The following FOCAD variants were observed in gnomAD, a reference collection of about 807,000 sequenced individuals.
FOCAD encodes the protein KIAA1797.
FOCAD carries 198 observed loss-of-function variants against 225.6 expected under a neutral mutation model. The observed-to-expected ratio is 0.88, with a 90% CI of 0.78 to 0.99. The LOEUF is 0.99. Ranked by LOEUF, FOCAD falls within the 50% of genes least tolerant of loss-of-function variation. FOCAD has a pLI of 0.00. For synonymous variants in FOCAD, 897 were observed against 755.0 expected (o/e 1.19, Z -3.08); for missense variants, 2,713 against 2,123.6 (o/e 1.28, Z -5.46).
At chr9:20,859,799 C>G (rs1258943930) in intron 15 of FOCAD, among the ~76,000 whole-genome samples, 1 of 150,350 alleles carries the variant, frequency 6.7e-6, no homozygotes, top group Admixed American at 6.6e-5. Flanking sequence ...CTGATAGAAG[C>G]TAGACACCAA....
chr9:20,908,866 G>A (rs1468571005), intron 22 of FOCAD, among the ~76,000 whole-genome samples: 1 of 151,954 alleles, frequency 6.6e-6, no homozygotes, highest in Non-Finnish European at 1.5e-5. Context: ...TATTGGGGAG[G>A]TCCCATGCTA....
At chr9:20,902,105 T>C (rs1280882482) in intron 21 of FOCAD, among the ~76,000 whole-genome samples, 1 of 151,944 alleles carries the variant, frequency 6.6e-6, no homozygotes, top group Non-Finnish European at 1.5e-5. Context: ...CCGCAGGTCC[T>C]TAATTGAACA....
chr9:20,762,247 A>G (rs1026948242), intron 6 of FOCAD, among the ~76,000 whole-genome samples: 2 of 152,202 alleles, frequency 1.3e-5, no homozygotes, highest in Non-Finnish European at 2.9e-5. Flanking sequence ...TTCACTTTGT[A>G]TTTCATACAT....
In FOCAD at chr9:20,753,725, A is replaced by C. The variant is rs143018902; in HGVS notation, c.393-4365A>C. On this transcript the variant is annotated intron_variant, in intron 5 of 43. Coordinates refer to ENST00000338382, the MANE Select transcript of FOCAD (RefSeq NM_001375567.1). ...TTTTCCACTTCTATTTTCTTCTGAG[A>C]TATGGACATGGCTACATAACAGTAA... 2.8e-3 allele frequency among the ~76,000 whole-genome samples: 422 copies of C among 152,218 alleles called. 1 individual carries two copies. The highest frequency in any genetic ancestry group is 9.8e-3 in the African/African-American group (405 of 41,530).
At chr9:20,788,239 A>G (rs936043028) in intron 10 of FOCAD, among the ~76,000 whole-genome samples, 1 of 152,224 alleles carries the variant, frequency 6.6e-6, no homozygotes, top group Non-Finnish European at 1.5e-5. Context: ...TGTGTTTCCT[A>G]TTATATGAAA....
intron 11 of FOCAD, among the ~76,000 whole-genome samples, chr9:20,800,798 C>T (rs1414720688): frequency 6.6e-6 from 1 of 152,032 alleles, no homozygotes; most frequent in Non-Finnish European, 1.5e-5. Context: ...TTCAGACTTC[C>T]TCCTTTAGCT....
intron 15 of FOCAD, among the ~76,000 whole-genome samples, chr9:20,849,701 A>G (rs1175957929): frequency 6.6e-6 from 1 of 151,964 alleles, no homozygotes; most frequent in Non-Finnish European, 1.5e-5. Context: ...TCTAAGGGAT[A>G]GGCAGCCATG....
At chr9:20,865,395 A>C (rs1001996270) in intron 16 of FOCAD, among the ~76,000 whole-genome samples, 6 of 152,104 alleles carry the variant, frequency 3.9e-5, no homozygotes, top group Admixed American at 2.6e-4. Context: ...AAGACCACCG[A>C]CTGTTGGAAG....
intron 26 of FOCAD, 147 bp from the exon 27 acceptor site, chr9:20,929,211 C>A (rs1487025558): frequency 4.9e-6 from 3 of 608,972 alleles, no homozygotes; most frequent in African/African-American, 3.7e-5. Context: ...TAGACAAAAA[C>A]GTTTGGATTT....
intron 15 of FOCAD, among the ~76,000 whole-genome samples, chr9:20,850,656 T>A (rs900646736): frequency 1.3e-5 from 2 of 151,740 alleles, no homozygotes; most frequent in Non-Finnish European, 2.9e-5. Flanking sequence ...CTACCTTCAG[T>A]TATGCTTTAA....
At chr9:20,707,127 T>C (rs771978709) in intron 1 of FOCAD, among the ~76,000 whole-genome samples, 38 of 152,202 alleles carry the variant, frequency 2.5e-4, no homozygotes, top group Non-Finnish European at 3.4e-4. Flanking sequence ...CAGATATTGG[T>C]GGATAAATAG....
intron 2 of FOCAD, among the ~76,000 whole-genome samples, chr9:20,671,884 C>T (rs956255485): frequency 6.6e-6 from 1 of 152,122 alleles, no homozygotes; most frequent in Non-Finnish European, 1.5e-5. Flanking sequence ...TAATTGTGTA[C>T]ACCTCTTTCA....
At chr9:20,977,518 C>G (rs1475847324) in intron 36 of FOCAD, among the ~76,000 whole-genome samples, 1 of 152,164 alleles carries the variant, frequency 6.6e-6, no homozygotes, top group African/African-American at 2.4e-5. Context: ...CCCACCCTAA[C>G]TCCAAAAATA....
intron 11 of FOCAD, among the ~76,000 whole-genome samples, chr9:20,815,241 C>G (rs146676789): frequency 0.023 from 3,260 of 144,758 alleles, 113 homozygotes; most frequent in African/African-American, 0.079. Flanking sequence ...TCAAGCAATT[C>G]TCATGCCTCA....
intron 21 of FOCAD, among the ~76,000 whole-genome samples, chr9:20,888,484 G>GTCCACTTACC: frequency 6.6e-6 from 1 of 152,138 alleles, no homozygotes; most frequent in East Asian, 1.9e-4. Context: ...TCATTTTGAA[G>GTCCACTTACC]AATTTCAACT....
chr9:20,769,446 A>G (rs1392082349), intron 7 of FOCAD, among the ~76,000 whole-genome samples: 6 of 152,196 alleles, frequency 3.9e-5, no homozygotes, highest in Non-Finnish European at 8.8e-5. Context: ...CTGGGTTTGA[A>G]TTGCATTGGG....
intron 11 of FOCAD, among the ~76,000 whole-genome samples, chr9:20,803,122 T>C (rs1461981652): frequency 2.0e-5 from 3 of 152,170 alleles, no homozygotes; most frequent in Non-Finnish European, 4.4e-5. Context: ...CAGCTTGATC[T>C]GCATTAAGTG....
At chr9:20,981,223 A>G (rs1840670227) in intron 37 of FOCAD, among the ~76,000 whole-genome samples, 1 of 152,176 alleles carries the variant, frequency 6.6e-6, no homozygotes, top group Admixed American at 6.5e-5. Context: ...TTCACCCTGG[A>G]TCAGAAGTAA....
chr9:20,730,613 A>G (rs1826606023), intron 4 of FOCAD, among the ~76,000 whole-genome samples: 1 of 152,158 alleles, frequency 6.6e-6, no homozygotes, highest in African/African-American at 2.4e-5. Flanking sequence ...TCTTATTGCT[A>G]TTCAGTGATT....
Sources: allele counts gnomAD v4.1 joint callset (sites outside exome capture counted in the v4.1 genomes callset), GRCh38; gene constraint gnomAD v4.1.1; transcripts MANE v1.5; gene names NCBI Gene and HGNC (gene_info 2026-07-23, HGNC 2026-07-21).